The following RASSF9 variants were observed in gnomAD, a reference collection of about 807,000 sequenced individuals.
The protein encoded by RASSF9 is ras association domain-containing protein 9.
RASSF9 carries 18 observed loss-of-function variants against 21.4 expected under a neutral mutation model. The ratio of observed to expected loss-of-function variants is 0.84; its 90% confidence interval spans 0.58 to 1.25. RASSF9 has a LOEUF of 1.25. Among genes scored for constraint, RASSF9 ranks in the 50% most tolerant of loss-of-function variants. RASSF9 has a pLI of 0.00. For synonymous variants in RASSF9, 183 were observed against 179.1 expected (o/e 1.02, Z -0.18); for missense variants, 480 against 503.2 (o/e 0.95, Z 0.44).
intron 1 of RASSF9, among the ~76,000 whole-genome samples, chr12:85,832,768 T>C (rs1388017480): frequency 2.0e-5 from 3 of 151,914 alleles, no homozygotes; most frequent in African/African-American, 7.2e-5. Flanking sequence ...GAAGAAGATA[T>C]GCATCAAGAA....
intron 1 of RASSF9, among the ~76,000 whole-genome samples, chr12:85,817,905 T>G (rs141499737): frequency 6.6e-6 from 1 of 152,184 alleles, no homozygotes; most frequent in Non-Finnish European, 1.5e-5. Context: ...TTAAGTAGTC[T>G]TTAATAAATA....
At position 85,805,477 on chromosome 12, in the gene RASSF9, T is replaced by C. The variant is rs1330324747; in HGVS notation, c.533A>G (p.His178Arg). ...TAATGTCTCCATATTATCTCGATCA[T>C]GAGAAACTGTGTCCTGCTTAATTTT... ...LAKIKQDTVSHDRDNMETLVH... is the reference protein window; with the variant it reads ...LAKIKQDTVSRDRDNMETLVH... The change falls in exon 2 of 2, where the codon CAT becomes CGT. Residue 178 changes from histidine to arginine, a missense_variant. Transcript: ENST00000361228. The C allele has an allele frequency of 6.2e-7, 1 of 1,613,990 alleles. No homozygotes were observed. The highest frequency in any genetic ancestry group is 2.2e-5 in the East Asian group (1 of 44,880).
chr12:85,818,883 C>T (rs1005379911), intron 1 of RASSF9, among the ~76,000 whole-genome samples: 7 of 143,748 alleles, frequency 4.9e-5, no homozygotes, highest in Admixed American at 3.6e-4. Context: ...GGCGTGAACC[C>T]GGGAGGTGGA....
intron 1 of RASSF9, among the ~76,000 whole-genome samples, chr12:85,828,252 A>C (rs182463709): frequency 1.3e-5 from 2 of 152,122 alleles, no homozygotes; most frequent in Non-Finnish European, 2.9e-5. Flanking sequence ...AACATCATGT[A>C]TATTTTTTTC....
At position 85,831,902 on chromosome 12, in the gene RASSF9, A is replaced by G. The variant is rs775717971; in HGVS notation, c.47+4253T>C. On this transcript the variant is annotated intron_variant, in intron 1 of 1. Transcript: ENST00000361228. ...TGGCCTTAAGAACTGTTGTCTAAAT[A>G]TGTTCTAATTGATGCAAAAGCAACC... 7.4e-4 allele frequency among the ~76,000 whole-genome samples: 112 copies of G among 152,088 alleles called. 1 individual carries two copies. Among genetic ancestry groups the G allele is most frequent in the Non-Finnish European group, 8.0e-4 (54 of 67,846 alleles).
Position 85,805,587 on chromosome 12 carries a change from C to A in RASSF9, c.423G>T (p.Trp141Cys), listed in dbSNP as rs765740074. 18 of 1,613,762 alleles carry A rather than the reference C, an allele frequency of 1.1e-5. No homozygotes were observed. The highest frequency in any genetic ancestry group is 1.4e-5 in the Non-Finnish European group (16 of 1,179,894). ...AKLVQNTEKL[W>C]ELSPANYMKT... ...TCATGTAGTTTGCTGGGCTGAGCTC[C>A]CACAATTTTTCTGTGTTTTGCACTA... Residue 141 changes from tryptophan (W) to cysteine (C), a missense_variant, in exon 2 of 2, where the codon TGG (tryptophan) becomes TGT (cysteine). Physicochemically the swap from Trp to Cys is radical, Grantham distance 215 (BLOSUM62 -2). Transcript: ENST00000361228.
chr12:85,810,232 A>T (rs1026387777), intron 1 of RASSF9, among the ~76,000 whole-genome samples: 2 of 151,984 alleles, frequency 1.3e-5, no homozygotes, highest in Non-Finnish European at 2.9e-5. Context: ...CTATTCATTT[A>T]TTCCACAAAT....
In RASSF9 at chr12:85,804,741, G is replaced by A. The variant is rs374042968; in HGVS notation, c.1269C>T (p.Ser423=). Reference sequence around the variant, plus strand: ...GCACCACATCTCCTACTGTTGTTTCGGAGTCCTGACTGTGGTTAGAACTGA... The same window carrying A: ...GCACCACATCTCCTACTGTTGTTTCAGAGTCCTGACTGTGGTTAGAACTGA... ...TGISSNHSQD[S]ETTVGDVVLL... is the part of the protein sequence containing the mutation. The change falls in exon 2 of 2, where the codon TCC becomes TCT. Residue 423 remains serine, a synonymous_variant. Coordinates refer to ENST00000361228, the MANE Select transcript of RASSF9 (RefSeq NM_005447.4). 60 of 1,610,258 alleles carry A rather than the reference G, an allele frequency of 3.7e-5. No individual in the cohort carries two copies. The African/African-American group carries it at 5.1e-4, about 14-fold the overall frequency.
chr12:85,812,667 G>A (rs958484978), intron 1 of RASSF9, among the ~76,000 whole-genome samples: 2 of 151,134 alleles, frequency 1.3e-5, no homozygotes, highest in Non-Finnish European at 3.0e-5. Flanking sequence ...ATAAAAATAA[G>A]AGTAATAGAA....
chr12:85,802,276 G>A lies in RASSF9; in HGVS notation c.*2426C>T, dbSNP rs558745354. On this transcript the variant is annotated 3_prime_UTR_variant, in exon 2 of 2. Transcript: ENST00000361228. Reference sequence around the variant, plus strand: ...TTCTCACTTAATTTAATAACAAATAGTTCAGTATCCAGACATGAGGGCATT... The same window carrying A: ...TTCTCACTTAATTTAATAACAAATAATTCAGTATCCAGACATGAGGGCATT... 1 of 152,176 alleles carries A rather than the reference G, an allele frequency of 6.6e-6. No homozygotes were observed. The highest frequency in any genetic ancestry group is 2.1e-4 in the South Asian group (1 of 4,816). The allele number at this position is 152,176 out of a possible 1,614,324, so 9.4% of individuals were successfully genotyped here. A position where few individuals can be genotyped will look rare whatever the true frequency, so the allele number is the denominator to read the frequency against.
intron 1 of RASSF9, among the ~76,000 whole-genome samples, chr12:85,819,608 C>A (rs1315611198): frequency 6.6e-6 from 1 of 152,100 alleles, no homozygotes; most frequent in East Asian, 1.9e-4. Context: ...TGAATAAGTA[C>A]AGACAGATCA....
Position 85,804,720 on chromosome 12 carries a change from C to T in RASSF9, c.1290G>A (p.Val430=). 1 of 1,602,948 alleles carries T rather than the reference C, an allele frequency of 6.2e-7. No individual in the cohort carries two copies. Among genetic ancestry groups the T allele is most frequent in the Admixed American group, 1.7e-5 (1 of 59,760 alleles). ...ATTGGAACTATGTTGACAACAGCAC[C>T]ACATCTCCTACTGTTGTTTCGGAGT... ...SQDSETTVGD[V]VLLST is the part of the protein sequence containing the mutation. Residue 430 remains valine (V), a synonymous_variant, in exon 2 of 2, where the codon GTG becomes GTA. Coordinates refer to ENST00000361228, the MANE Select transcript of RASSF9 (RefSeq NM_005447.4).
At chr12:85,829,542 G>T (rs1370809001) in intron 1 of RASSF9, among the ~76,000 whole-genome samples, 1 of 152,010 alleles carries the variant, frequency 6.6e-6, no homozygotes, top group Non-Finnish European at 1.5e-5. Context: ...CCGTTTCTTG[G>T]ATTCTTTTCT....
chr12:85,832,807 G>A (rs1224341298), intron 1 of RASSF9, among the ~76,000 whole-genome samples: 2 of 151,814 alleles, frequency 1.3e-5, no homozygotes, highest in East Asian at 3.8e-4. Context: ...AGAATATTCT[G>A]TTTTTCTGGA....
At chr12:85,818,559 T>G (rs1263188402) in intron 1 of RASSF9, among the ~76,000 whole-genome samples, 3 of 152,248 alleles carry the variant, frequency 2.0e-5, no homozygotes, top group Non-Finnish European at 4.4e-5. Context: ...ATCAATGTAT[T>G]ATCAATATAG....
At chr12:85,821,000 C>G (rs985494096) in intron 1 of RASSF9, among the ~76,000 whole-genome samples, 8 of 151,990 alleles carry the variant, frequency 5.3e-5, no homozygotes, top group African/African-American at 1.9e-4. Context: ...AAAAATTAGT[C>G]AGGCGTAGTG....
chr12:85,807,863 T>C (rs189585692), intron 1 of RASSF9, among the ~76,000 whole-genome samples: 39 of 152,280 alleles, frequency 2.6e-4, no homozygotes, highest in African/African-American at 8.9e-4. Context: ...TGCATCAAGT[T>C]GACTGTGTCT....
chr12:85,814,630 G>T (rs1880021681), intron 1 of RASSF9, among the ~76,000 whole-genome samples: 1 of 151,676 alleles, frequency 6.6e-6, no homozygotes, highest in Non-Finnish European at 1.5e-5. Context: ...ATTAAAGGTG[G>T]CATTCTATTT....
chr12:85,835,603 C>T (rs1388634414), intron 1 of RASSF9, among the ~76,000 whole-genome samples: 2 of 151,148 alleles, frequency 1.3e-5, no homozygotes, highest in South Asian at 2.1e-4. Context: ...AGTTTCTCTC[C>T]AGAGTGTTTC....
Sources: gnomAD v4.1 joint callset for allele counts (sites outside exome capture counted in the v4.1 genomes callset) on GRCh38, gnomAD v4.1.1 for gene constraint, MANE v1.5 for transcripts, NCBI Gene and HGNC (gene_info 2026-07-23, HGNC 2026-07-21) for gene names.